The following IMMP1L variants were observed in gnomAD, a reference collection of about 807,000 sequenced individuals.
The protein encoded by IMMP1L is inner mitochondrial membrane peptidase subunit 1.
In IMMP1L, 24 loss-of-function variants were observed where a neutral mutation model predicts 21.8. The observed-to-expected ratio is 1.10, with a 90% CI of 0.80 to 1.55. The LOEUF (loss-of-function observed/expected upper bound fraction) is 1.55, where lower values mean the gene tolerates loss of function less well. IMMP1L is among the 40% of genes most tolerant of loss of function. IMMP1L has a pLI of 0.00. For missense variants in IMMP1L, 195 were observed against 200.7 expected (o/e 0.97, Z 0.17); for synonymous variants, 46 against 62.8 (o/e 0.73, Z 1.26).
chr11:31,501,851 G>A (rs779048543), intron 1 of IMMP1L, among the ~76,000 whole-genome samples: 5 of 151,656 alleles, frequency 3.3e-5, no homozygotes, highest in Admixed American at 6.6e-5. Context: ...GGTAACACAT[G>A]CTTGTAACCC....
At chr11:31,461,001 T>C (rs781317061) in intron 2 of IMMP1L, among the ~76,000 whole-genome samples, 30 of 152,150 alleles carry the variant, frequency 2.0e-4, no homozygotes, top group Non-Finnish European at 2.9e-5. Context: ...AGAATCTCAG[T>C]TCTATGAAGG....
At chr11:31,492,623 C>T (rs1024969638) in intron 1 of IMMP1L, among the ~76,000 whole-genome samples, 4 of 152,146 alleles carry the variant, frequency 2.6e-5, no homozygotes, top group Admixed American at 6.5e-5. Flanking sequence ...ATATGCCATG[C>T]TTTCTTTCAC....
rs996214263 is a variant in IMMP1L at position 31,433,474 on chromosome 11, G to A, written c.418C>T (p.Arg140Ter). 8 of 1,569,546 alleles carry A rather than the reference G, an allele frequency of 5.1e-6. No homozygotes were observed. The highest frequency in any genetic ancestry group is 2.3e-5 in the East Asian group (1 of 44,094). The stretch of plus-strand genomic sequence containing the variant: ...GAAAATGGTACCTTAAAGAAGATTC[G>A]TCCTCTTATTAGTCCATATGGAATA... ...GPIPYGLIRG[R>*]IFFKIWPLSD... is the part of the protein sequence containing the mutation. The change falls in exon 5 of 6, where the codon CGA becomes TGA. Residue 140 changes from arginine (R) to a stop codon, truncating the protein, a stop_gained. Coordinates refer to ENST00000532287, the MANE Select transcript of IMMP1L (RefSeq NM_001304274.2). LOFTEE classifies it high-confidence loss of function.
At chr11:31,451,578 G>C (rs1953759459) in intron 4 of IMMP1L, among the ~76,000 whole-genome samples, 1 of 152,162 alleles carries the variant, frequency 6.6e-6, no homozygotes, top group Admixed American at 6.5e-5. Flanking sequence ...CATATGATGG[G>C]AAGTGTATGG....
At chr11:31,452,589 A>C in intron 4 of IMMP1L, 3 of 985,604 alleles carry the variant, frequency 3.0e-6, no homozygotes, top group Non-Finnish European at 3.6e-6. Flanking sequence ...ACAGAAAGGC[A>C]ACATACTCAA....
At chr11:31,495,540 C>T (rs1223110) in intron 1 of IMMP1L, among the ~76,000 whole-genome samples, 19,460 of 152,112 alleles carry the variant, frequency 0.13, 1,713 homozygotes, top group Non-Finnish European at 0.19. Context: ...GGGAAGGCCT[C>T]GGGAAACTTA....
intron 4 of IMMP1L, among the ~76,000 whole-genome samples, chr11:31,440,874 C>A (rs1953303304): frequency 6.6e-6 from 1 of 152,008 alleles, no homozygotes; most frequent in African/African-American, 2.4e-5. Flanking sequence ...ACTCAGCAGG[C>A]AATTATGTAC....
intron 1 of IMMP1L, among the ~76,000 whole-genome samples, chr11:31,494,417 T>A (rs960180135): frequency 1.4e-4 from 21 of 152,232 alleles, no homozygotes; most frequent in Non-Finnish European, 2.5e-4. Context: ...GCCCCAGGAC[T>A]GCACAGAACA....
chr11:31,506,146 T>C (rs1287291549), intron 1 of IMMP1L, among the ~76,000 whole-genome samples: 1 of 152,050 alleles, frequency 6.6e-6, no homozygotes, highest in Non-Finnish European at 1.5e-5. Context: ...TTTTCTCCTG[T>C]AACCTGAGCT....
intron 1 of IMMP1L, among the ~76,000 whole-genome samples, chr11:31,487,124 T>C (rs989092279): frequency 1.5e-4 from 23 of 151,788 alleles, no homozygotes; most frequent in Non-Finnish European, 3.1e-4. Flanking sequence ...ATAATACTAA[T>C]ATATTTTTAT....
rs369784398 is a variant in IMMP1L at position 31,488,270 on chromosome 11, T to G, written c.-30+21249A>C. On this transcript the variant is annotated intron_variant, in intron 1 of 5. Transcript: ENST00000532287. ...AAGCAGGAAATCAAAATTACATTAG[T>G]TGAAGGCTATTTTCAACCATATTGA... 2.1e-4 allele frequency: 32 copies of G among 152,168 alleles called. 1 individual carries two copies. The highest frequency in any genetic ancestry group is 7.5e-4 in the African/African-American group (31 of 41,446). 9.4% of individuals were successfully genotyped at this position (152,168 alleles called of 1,614,324 possible).
chr11:31,444,115 C>G (rs565031196), intron 4 of IMMP1L, among the ~76,000 whole-genome samples: 1 of 152,100 alleles, frequency 6.6e-6, no homozygotes, highest in Non-Finnish European at 1.5e-5. Context: ...GTCCTGAGGT[C>G]CAAATACAGC....
chr11:31,433,384 G>T, intron 5 of IMMP1L, 76 bp downstream of exon 5: 1 of 839,376 alleles, frequency 1.2e-6, no homozygotes, highest in Non-Finnish European at 1.9e-6. Context: ...ACAGCTTGAA[G>T]ATTTCAGAGA....
At chr11:31,504,437 A>G (rs893205503) in intron 1 of IMMP1L, among the ~76,000 whole-genome samples, 2 of 152,252 alleles carry the variant, frequency 1.3e-5, no homozygotes, top group Admixed American at 6.5e-5. Context: ...CAAATGGCCA[A>G]TAAGCATATA....
intron 1 of IMMP1L, among the ~76,000 whole-genome samples, chr11:31,487,202 A>C (rs937443947): frequency 1.1e-4 from 17 of 151,982 alleles, no homozygotes; most frequent in African/African-American, 4.1e-4. Context: ...TTAATGCAAT[A>C]TTTTAATAAG....
chr11:31,500,924 A>G (rs951926196), intron 1 of IMMP1L, among the ~76,000 whole-genome samples: 2 of 152,242 alleles, frequency 1.3e-5, no homozygotes, highest in African/African-American at 2.4e-5. Flanking sequence ...TCTTTTATAG[A>G]AAAAGGTTGC....
chr11:31,504,330 TATAA>T (rs1204791954), intron 1 of IMMP1L, among the ~76,000 whole-genome samples: 2 of 152,170 alleles, frequency 1.3e-5, no homozygotes, highest in Non-Finnish European at 2.9e-5. Context: ...TTATCCAAAA[TATAA>T]AAGAACTCCT....
At chr11:31,438,609 A>C (rs1016548220) in intron 4 of IMMP1L, among the ~76,000 whole-genome samples, 3 of 152,122 alleles carry the variant, frequency 2.0e-5, no homozygotes, top group African/African-American at 7.2e-5. Flanking sequence ...ATATTATACT[A>C]TATTCTACAA....
At chr11:31,483,176 G>A (rs760165450) in intron 1 of IMMP1L, among the ~76,000 whole-genome samples, 5 of 151,966 alleles carry the variant, frequency 3.3e-5, no homozygotes, top group Non-Finnish European at 7.4e-5. Context: ...GACTGGAAGG[G>A]TGCATGAAGG....
Sources: allele counts gnomAD v4.1 joint callset (sites outside exome capture counted in the v4.1 genomes callset), GRCh38; gene constraint gnomAD v4.1.1; transcripts MANE v1.5; gene names NCBI Gene and HGNC (gene_info 2026-07-23, HGNC 2026-07-21).